Variants in DDX19B observed in about 807,000 individuals in gnomAD.
DDX19B encodes the protein DEAD-box helicase 19B.
A neutral mutation model predicts 58.1 loss-of-function variants in DDX19B; 27 were observed. That is an observed-to-expected ratio of 0.46 (90% CI 0.34 to 0.64). DDX19B has a LOEUF of 0.64. Among genes scored for constraint, DDX19B ranks in the 30% least tolerant of loss-of-function variants. The pLI is 0.01. For synonymous variants in DDX19B, 187 were observed against 214.4 expected (o/e 0.87, Z 1.12); for missense variants, 399 against 596.5 (o/e 0.67, Z 3.45).
chr16:70,298,969 G>A, upstream of DDX19B: 2 of 372,232 alleles, frequency 5.4e-6, no homozygotes, highest in Non-Finnish European at 4.7e-6. Flanking sequence ...CTGCCACTGT[G>A]TTGGGCGGGA....
upstream of DDX19B, chr16:70,294,668 C>G (rs1961155403): frequency 2.2e-6 from 1 of 463,824 alleles, no homozygotes; most frequent in Non-Finnish European, 3.8e-6. Context: ...ACAAAGCCCT[C>G]TGCGGGAGGC....
upstream of DDX19B, among the ~76,000 whole-genome samples, chr16:70,292,360 T>C (rs888430206): frequency 2.2e-4 from 33 of 152,152 alleles, no homozygotes; most frequent in African/African-American, 8.0e-4. Flanking sequence ...TTGGCCAGGC[T>C]GGTCTTGAAC....
chr16:70,325,144 T>C (rs539936443), intron 6 of DDX19B, among the ~76,000 whole-genome samples: 4 of 152,204 alleles, frequency 2.6e-5, no homozygotes, highest in Non-Finnish European at 5.9e-5. Context: ...TATCTTCCAA[T>C]GGCAATAAAA....
rs190890241 is a variant in DDX19B at position 70,326,200 on chromosome 16, G to A, written c.607+512G>A. Among the ~76,000 whole-genome samples the A allele has an allele frequency of 3.3e-3, 503 of 152,276 alleles. 2 individuals carry two copies. Among genetic ancestry groups the A allele is most frequent in the African/African-American group, 0.011 (444 of 41,566 alleles). ...CAAATATTCTACATTCTGGCCGGGC[G>A]CGGTGGCTCACGCCTGTAATCCCAG... is the stretch of plus-strand genomic sequence containing the variant. On this transcript the variant is annotated intron_variant, in intron 7 of 11. Coordinates refer to ENST00000288071, the MANE Select transcript of DDX19B (RefSeq NM_007242.7).
At chr16:70,300,688 T>C (rs549217677) in intron 1 of DDX19B, among the ~76,000 whole-genome samples, 1 of 151,988 alleles carries the variant, frequency 6.6e-6, no homozygotes, top group South Asian at 2.1e-4. Flanking sequence ...TGCCAACATA[T>C]GCAGCTAACT....
At chr16:70,309,111 T>G (rs1961937431) in intron 1 of DDX19B, among the ~76,000 whole-genome samples, 1 of 152,160 alleles carries the variant, frequency 6.6e-6, no homozygotes, top group African/African-American at 2.4e-5. Context: ...AAGTTGCTTT[T>G]TTCTAATCTC....
Position 70,312,806 on chromosome 16 carries a change from T to C in DDX19B, c.106+149T>C, listed in dbSNP as rs567078187. The C allele has an allele frequency of 2.8e-5, 18 of 644,680 alleles. No individual in the cohort carries two copies. In the East Asian group the frequency reaches 4.5e-4, roughly 16 times the overall value. The allele number at this position is 644,680 out of a possible 1,614,324, so 39.9% of individuals were successfully genotyped here. On this transcript the variant is annotated intron_variant, in intron 2 of 11. Coordinates refer to ENST00000288071, the MANE Select transcript of DDX19B (RefSeq NM_007242.7). ...CCATTTGATTTGTAAATCAACAAAC[T>C]GGATTGTATGACCAAAGTGTTTTTA...
Position 70,312,589 on chromosome 16 carries a change from C to T in DDX19B, c.58-20C>T. 2 of 1,610,718 alleles carry T rather than the reference C, an allele frequency of 1.2e-6. No homozygotes were observed. Among genetic ancestry groups the T allele is most frequent in the Non-Finnish European group, 1.7e-6 (2 of 1,177,450 alleles). ...GTGCTTTTCCTGACACTTTCCCCCT[C>T]CCCCATATTCTCCATTTAGTTGAGC... On this transcript the variant is annotated intron_variant, in intron 1 of 11. Transcript: ENST00000288071.
At chr16:70,323,940 G>C (rs1202490175) in intron 5 of DDX19B, among the ~76,000 whole-genome samples, 1 of 152,078 alleles carries the variant, frequency 6.6e-6, no homozygotes, top group Non-Finnish European at 1.5e-5. Context: ...GTTATCTGGG[G>C]ACAGTTGTCC....
chr16:70,331,181 A>G (rs1459826080), intron 9 of DDX19B, among the ~76,000 whole-genome samples: 5 of 152,176 alleles, frequency 3.3e-5, no homozygotes, highest in Non-Finnish European at 7.3e-5. Flanking sequence ...TACTAGGGCT[A>G]CAGGTATGTG....
In DDX19B at chr16:70,299,232, A is replaced by G; in HGVS notation, c.-66A>G. 1 of 1,469,738 alleles carries G rather than the reference A, an allele frequency of 6.8e-7. No individual in the cohort carries two copies. The highest frequency in any genetic ancestry group is 9.0e-7 in the Non-Finnish European group (1 of 1,109,006). The allele number at this position is 1,469,738 out of a possible 1,614,324, so 91.0% of individuals were successfully genotyped here. ...AGCAGAGCCTGCCGCGAACCCCCGG[A>G]GCCCACGATCCCTCGTGCCATCCCT... On this transcript the variant is annotated 5_prime_UTR_variant, in exon 1 of 12. Transcript: ENST00000288071.
intron 4 of DDX19B, among the ~76,000 whole-genome samples, chr16:70,316,825 C>CT (rs1311717723): frequency 1.3e-5 from 2 of 152,060 alleles, no homozygotes; most frequent in African/African-American, 4.8e-5. Flanking sequence ...AATCCCAGCA[C>CT]TTTGAGAGGC....
At chr16:70,317,273 C>A in intron 4 of DDX19B, 1 of 295,122 alleles carries the variant, frequency 3.4e-6, no homozygotes, top group Non-Finnish European at 6.3e-6. Context: ...CCCAGCTATT[C>A]GCGAGGCTGA....
At chr16:70,324,481 T>C in intron 5 of DDX19B, 104 bp from the exon 6 acceptor site, 1 of 907,032 alleles carries the variant, frequency 1.1e-6, no homozygotes, top group Non-Finnish European at 1.7e-6. Flanking sequence ...CTCTGCTACA[T>C]AATCCAAGGT....
intron 1 of DDX19B, among the ~76,000 whole-genome samples, chr16:70,306,976 T>C (rs1255820374): frequency 6.6e-6 from 1 of 152,216 alleles, no homozygotes; most frequent in Non-Finnish European, 1.5e-5. Context: ...ACATACGGTA[T>C]GTGATCCTTT....
intron 5 of DDX19B, chr16:70,319,491 G>C (rs1274044745): frequency 6.6e-6 from 1 of 151,878 alleles, no homozygotes; most frequent in Non-Finnish European, 1.5e-5. Context: ...CAAGATTCTA[G>C]AGCATGATGG....
At chr16:70,293,597 A>ATTTTTTTTTTTTTTTTTT (rs71151182), upstream of DDX19B, among the ~76,000 whole-genome samples, 9 of 77,020 alleles carry the variant, frequency 1.2e-4, no homozygotes, top group African/African-American at 3.2e-4. Context: ...GGATGGCTGA[A>ATTTTTTTTTTTTTTTTTT]TTTTTTTTTT....
rs182438293 is a variant in DDX19B, at chr16:70,327,413, G to A, written c.607+1725G>A. Among the ~76,000 whole-genome samples the A allele has an allele frequency of 8.3e-4, 126 of 152,052 alleles. No individual in the cohort carries two copies. In the Middle Eastern group the frequency reaches 0.01, roughly 12 times the overall value. ...CCAGGTGTGGTGGCATGTGCCTGTC[G>A]TCCCAGCTACTCAGGAGGCTGAGGC... On this transcript the variant is annotated intron_variant, in intron 7 of 11. Transcript: ENST00000288071.
At chr16:70,316,279 G>A (rs1438234345) in intron 4 of DDX19B, 175 bp downstream of exon 4, 17 of 832,106 alleles carry the variant, frequency 2.0e-5, no homozygotes, top group Admixed American at 1.9e-4. Flanking sequence ...GCGCGATCTC[G>A]GCTCACTGCA....
Sources: gnomAD v4.1 joint callset for allele counts (sites outside exome capture counted in the v4.1 genomes callset) on GRCh38, gnomAD v4.1.1 for gene constraint, MANE v1.5 for transcripts, NCBI Gene and HGNC (gene_info 2026-07-23, HGNC 2026-07-21) for gene names.